Variants in SYNE1 observed in about 807,000 individuals in gnomAD.
The protein encoded by SYNE1 is spectrin repeat containing nuclear envelope protein 1.
In SYNE1, 616 loss-of-function variants were observed where a neutral mutation model predicts 1,111.0. The observed-to-expected ratio is 0.55, with a 90% confidence interval of 0.52 to 0.59. The LOEUF (loss-of-function observed/expected upper bound fraction) is 0.59, where lower values mean the gene tolerates loss of function less well. Among genes scored for constraint, SYNE1 ranks in the 20% least tolerant of loss-of-function variants. The pLI, the probability that SYNE1 is intolerant of heterozygous loss-of-function variation, is 0.00. For missense variants in SYNE1, 10,006 were observed against 10,417.0 expected (o/e 0.96, Z 1.72); for synonymous variants, 3,855 against 3,825.8 (o/e 1.01, Z -0.28).
chr6:152,523,895 G>C (rs1292538666), intron 5 of SYNE1, among the ~76,000 whole-genome samples: 1 of 152,086 alleles, frequency 6.6e-6, no homozygotes, highest in African/African-American at 2.4e-5. Context: ...TGTGCACATT[G>C]ATTTTGTAAC....
chr6:152,570,512 A>T (rs2099446546), intron 3 of SYNE1, among the ~76,000 whole-genome samples: 1 of 152,202 alleles, frequency 6.6e-6, no homozygotes, highest in East Asian at 1.9e-4. Flanking sequence ...AACGTGGTCA[A>T]CTTGACCCTT....
At chr6:152,227,813 G>A (rs1450689859) in intron 115 of SYNE1, among the ~76,000 whole-genome samples, 1 of 151,924 alleles carries the variant, frequency 6.6e-6, no homozygotes, top group Non-Finnish European at 1.5e-5. Context: ...TGGTAGAAGA[G>A]CAAAACCCAT....
In SYNE1 at chr6:152,230,588, C is replaced by T. The variant is rs1218867381; in HGVS notation, c.21154G>A (p.Gly7052Arg). The change falls in exon 115 of 146, where the codon GGA (glycine) becomes AGA (arginine). Residue 7052 changes from glycine to arginine, a missense_variant. By Grantham distance (125) the Gly-to-Arg change is moderately radical (BLOSUM62 -2). Around this residue, in one of 7 missense-constraint regions of SYNE1, gnomAD observed 2,182 missense variants for 2,287.8 expected, o/e 0.95. Transcript: ENST00000367255. The part of the protein sequence containing the change: ...EKRLKQQHRI[G>R]DQASVQNALK... ...GCATTTTGAACAGAAGCCTGATCTC[C>T]AATTCGATGCTGTTGTTTTAGTCTC... is the stretch of plus-strand genomic sequence containing the variant. The T allele has an allele frequency of 6.2e-7, 1 of 1,613,980 alleles. No individual in the cohort carries two copies. The highest frequency in any genetic ancestry group is 8.5e-7 in the Non-Finnish European group (1 of 1,180,002).
At position 152,376,403 on chromosome 6, in the gene SYNE1, G is replaced by A. The variant is rs750744080; in HGVS notation, c.9302C>T (p.Ser3101Leu). Reference protein sequence around the residue: ...FDIPQNISEVSTSLQKIQEFL... With the variant: ...FDIPQNISEVLTSLQKIQEFL... ...TACCTGTATTTTCTGAAGACTAGTT[G>A]AAACTTCACTTATATTTTGAGGTAT... The change falls in exon 58 of 146, where the codon TCA becomes TTA. Residue 3101 changes from serine (S) to leucine (L), a missense_variant. This residue lies in a region of SYNE1 where 4,955 missense variants were observed against 5,017.2 expected (regional missense o/e 0.99). Transcript: ENST00000367255. The A allele has an allele frequency of 3.1e-6, 5 of 1,614,032 alleles. No individual in the cohort carries two copies. The highest frequency in any genetic ancestry group is 1.6e-4 in the Middle Eastern group (1 of 6,082).
At chr6:152,281,364 C>T (rs1251168765) in intron 97 of SYNE1, among the ~76,000 whole-genome samples, 1 of 152,192 alleles carries the variant, frequency 6.6e-6, no homozygotes, top group Admixed American at 6.5e-5. Context: ...TCTTCAGTCT[C>T]CCTGTTTGCC....
chr6:152,233,947 A>T lies in SYNE1; in HGVS notation c.20546T>A (p.Val6849Glu). 1 of 1,614,166 alleles carries T rather than the reference A, an allele frequency of 6.2e-7. No individual in the cohort carries two copies. The highest frequency in any genetic ancestry group is 8.5e-7 in the Non-Finnish European group (1 of 1,180,030). ...LNAFLEFSKEVDAQSSLKSSV... is the reference protein window; with the variant it reads ...LNAFLEFSKEEDAQSSLKSSV... The stretch of plus-strand genomic sequence containing the variant: ...TGATTTCAGGGAAGATTGGGCATCC[A>T]CTTCTTTAGAAAACTCCTGAAACAA... Residue 6849 changes from valine (V) to glutamate (E), a missense_variant, in exon 112 of 146, where the codon GTG (valine) becomes GAG (glutamate). Physicochemically the swap from Val to Glu is moderately radical, Grantham distance 121. Around this residue, in one of 7 missense-constraint regions of SYNE1, gnomAD observed 2,182 missense variants for 2,287.8 expected, o/e 0.95. Coordinates refer to ENST00000367255, the MANE Select transcript of SYNE1 (RefSeq NM_182961.4).
chr6:152,438,771 G>A (rs1481499508), intron 32 of SYNE1, among the ~76,000 whole-genome samples: 1 of 152,136 alleles, frequency 6.6e-6, no homozygotes. Flanking sequence ...ACTACTCAAG[G>A]GCTATCAACT....
chr6:152,514,450 G>A (rs1327235084), intron 6 of SYNE1, among the ~76,000 whole-genome samples: 1 of 152,020 alleles, frequency 6.6e-6, no homozygotes, highest in African/African-American at 2.4e-5. Flanking sequence ...GACACAGGGA[G>A]GGGAACATCA....
intron 46 of SYNE1, among the ~76,000 whole-genome samples, chr6:152,401,691 A>C (rs1423926970): frequency 6.6e-6 from 1 of 152,198 alleles, no homozygotes; most frequent in Non-Finnish European, 1.5e-5. Flanking sequence ...TTCTCCCTGG[A>C]AATACCCATT....
At chr6:152,629,527 G>GGGGGGGGA (rs2099693666) in intron 2 of SYNE1, among the ~76,000 whole-genome samples, 1 of 115,806 alleles carries the variant, frequency 8.6e-6, no homozygotes, top group Non-Finnish European at 1.8e-5. Flanking sequence ...ATTGCCGGGG[G>GGGGGGGGA]GGGGGGGGGG....
chr6:152,407,879 A>G (rs913581784), intron 44 of SYNE1, among the ~76,000 whole-genome samples: 19 of 150,326 alleles, frequency 1.3e-4, no homozygotes, highest in African/African-American at 4.7e-4. Flanking sequence ...CTCCCACCTC[A>G]GCCTCCACAG....
At chr6:152,286,595 G>A (rs1487579977) in intron 95 of SYNE1, among the ~76,000 whole-genome samples, 1 of 152,214 alleles carries the variant, frequency 6.6e-6, no homozygotes, top group Non-Finnish European at 1.5e-5. Context: ...TAATGAGATT[G>A]AGTGTCTTTT....
chr6:152,481,063 A>T, intron 14 of SYNE1: 1 of 279,210 alleles, frequency 3.6e-6, no homozygotes, highest in Non-Finnish European at 7.0e-6. Flanking sequence ...CCAACTTAGG[A>T]CTCACTCCCC....
At chr6:152,190,441 G>C (rs951589022) in intron 127 of SYNE1, among the ~76,000 whole-genome samples, 1 of 152,084 alleles carries the variant, frequency 6.6e-6, no homozygotes, top group Non-Finnish European at 1.5e-5. Context: ...TGTTGCTTTT[G>C]TGAAAATAAA....
intron 145 of SYNE1, chr6:152,125,232 GGTAATGGTAATTCA>G (rs2052949647): frequency 7.1e-6 from 11 of 1,547,120 alleles, no homozygotes; most frequent in African/African-American, 1.4e-5. Context: ...TAGGAATAAT[GGTAATGGTAATTCA>G]GGTCGTATTC....
intron 127 of SYNE1, among the ~76,000 whole-genome samples, chr6:152,190,089 C>T (rs1028489972): frequency 6.6e-6 from 1 of 152,172 alleles, no homozygotes; most frequent in East Asian, 1.9e-4. Context: ...AGAATTTTTA[C>T]CAGAAGTAGA....
chr6:152,236,580 A>G (rs892943715), intron 109 of SYNE1, among the ~76,000 whole-genome samples: 2 of 152,180 alleles, frequency 1.3e-5, no homozygotes, highest in Non-Finnish European at 2.9e-5. Context: ...AGCATAAACT[A>G]CAGAAAATGC....
chr6:152,165,805 A>C (rs1163078069), intron 130 of SYNE1, among the ~76,000 whole-genome samples: 1 of 152,240 alleles, frequency 6.6e-6, no homozygotes, highest in Non-Finnish European at 1.5e-5. Flanking sequence ...GACAAAATTC[A>C]TCTGGGCATC....
intron 11 of SYNE1, among the ~76,000 whole-genome samples, chr6:152,492,732 GCTTTAGGTAACT>G (rs1368047910): frequency 6.6e-6 from 1 of 152,176 alleles, no homozygotes; most frequent in East Asian, 1.9e-4. Context: ...CATCACAGAT[GCTTTAGGTAACT>G]CTTAGAGTGG....
Sources: allele counts gnomAD v4.1 joint callset (sites outside exome capture counted in the v4.1 genomes callset), GRCh38; gene constraint gnomAD v4.1.1; regional missense constraint gnomAD v4.1.1; transcripts MANE v1.5; gene names NCBI Gene and HGNC (gene_info 2026-07-23, HGNC 2026-07-21).